VTN: variants seen among roughly 807,000 people sequenced by gnomAD.
VTN encodes vitronectin, also known as complement S-protein.
In VTN, 45 loss-of-function variants were observed where a neutral mutation model predicts 55.9. The observed-to-expected ratio is 0.80, with a 90% CI of 0.63 to 1.03. The LOEUF (loss-of-function observed/expected upper bound fraction) is 1.03. Ranked by LOEUF, VTN falls within the 50% of genes least tolerant of loss-of-function variation. The pLI, the probability that VTN is intolerant of heterozygous loss-of-function variation, is 0.00. For synonymous variants in VTN, 238 were observed against 242.3 expected, an observed-to-expected ratio of 0.98 and a Z score of 0.17; for missense variants, 589 against 638.2, an observed-to-expected ratio of 0.92 and a Z score of 0.83.
rs1340095105 is a variant in VTN at position 28,370,271 on chromosome 17, C to T, written c.-68G>A. On this transcript the variant is annotated 5_prime_UTR_variant, in exon 1 of 8. Transcript: ENST00000226218. ...CTCCCTGAAGTCTCCGCTCTGATGC[C>T]TGAGGAAGGGAGGGAGAGGCAGAGA... 72 of 1,531,212 alleles carry T rather than the reference C, an allele frequency of 4.7e-5. No homozygotes were observed. The highest frequency in any genetic ancestry group is 6.0e-5 in the Non-Finnish European group (68 of 1,126,916). 94.9% of individuals were successfully genotyped at this position (1,531,212 alleles called of 1,614,324 possible). A position where few individuals can be genotyped will look rare whatever the true frequency, so the allele number is the denominator to read the frequency against.
At chr17:28,368,141 T>C (rs1486670221) in intron 6 of VTN, 82 bp from the exon 7 acceptor site, 16 of 1,265,962 alleles carry the variant, frequency 1.3e-5, no homozygotes, top group Non-Finnish European at 1.7e-5. Context: ...GTTCATCTGC[T>C]GCACCTTGCC....
chr17:28,368,680 A>C lies in VTN; in HGVS notation c.827-7T>G, dbSNP rs781891013. On this transcript the variant is annotated splice_region_variant and splice_polypyrimidine_tract_variant and intron_variant, in intron 5 of 7. Transcript: ENST00000226218. The stretch of plus-strand genomic sequence containing the variant: ...TACTCCCAGTACTGTTTCCCTGAGG[A>C]GCAGGGTGGTGGGCATTAGGAGGGC... 3 of 1,613,014 alleles carry C rather than the reference A, an allele frequency of 1.9e-6. No individual in the cohort carries two copies.
Position 28,369,036 on chromosome 17 carries a change from G to A in VTN, c.670-8C>T. ...GCGCCAGTACTGACTACCCTAAGAG[G>A]TGGGGAAAGTGAAAAGGGGTATGGA... On this transcript the variant is annotated splice_polypyrimidine_tract_variant and splice_region_variant and intron_variant, in intron 4 of 7. Coordinates refer to ENST00000226218, the MANE Select transcript of VTN (RefSeq NM_000638.4). This position sits in a 1 kb window ranked among gnomAD's most constrained non-coding sequence, Gnocchi z 5.3. 1 of 1,575,118 alleles carries A rather than the reference G, an allele frequency of 6.3e-7. No individual in the cohort carries two copies. Among genetic ancestry groups the A allele is most frequent in the Non-Finnish European group, 8.6e-7 (1 of 1,166,194 alleles).
intron 5 of VTN, 35 bp downstream of exon 5, chr17:28,368,837 A>G: frequency 6.2e-7 from 1 of 1,613,080 alleles, no homozygotes. Flanking sequence ...AGACTGCTCC[A>G]CTGCCTGCTC....
rs782356682 is a variant in VTN at position 28,369,324 on chromosome 17, G to A, written c.634C>T (p.Arg212Cys). The change falls in exon 4 of 8, where the codon CGC becomes TGC. Residue 212 changes from arginine to cysteine, a missense_variant. Physicochemically the swap from Arg to Cys is radical, Grantham distance 180. Around this residue, in one of 3 missense-constraint regions of VTN, gnomAD observed 38 missense variants for 68.8 expected, o/e 0.55. Transcript: ENST00000226218. This position sits in a 1 kb window ranked among gnomAD's most constrained non-coding sequence, Gnocchi z 5.3. ...TAGGTCTTCCCCTGACAGTTGATGC[G>A]GGTGAAGGCGGCATCGATGGGGCCC... ...IEGPIDAAFT[R>C]INCQGKTYLF... 2.3e-5 allele frequency: 37 copies of A among 1,604,462 alleles called. No homozygotes were observed. Among genetic ancestry groups the A allele is most frequent in the South Asian group, 2.2e-4 (20 of 90,614 alleles).
At position 28,369,979 on chromosome 17, in the gene VTN, G is replaced by C. The variant is rs1555583755; in HGVS notation, c.132C>G (p.Cys44Trp). The C allele has an allele frequency of 6.2e-7, 1 of 1,613,994 alleles. No homozygotes were observed. Residue 44 changes from cysteine to tryptophan, a missense_variant, in exon 2 of 8, where the codon TGC becomes TGG. Coordinates refer to ENST00000226218, the MANE Select transcript of VTN (RefSeq NM_000638.4). This position sits in a 1 kb window ranked among gnomAD's most constrained non-coding sequence, Gnocchi z 5.3. ...CTGTGCAGCAGCTCTGGTAGTAAGA[G>C]CAGAGCTCGTCACACTGGCACTTCT... The part of the protein sequence containing the change: ...VDKKCQCDEL[C>W]SYYQSCCTDY...
chr17:28,369,882 G>GC lies in VTN; in HGVS notation c.185-32dup. 1 of 1,612,188 alleles carries GC rather than the reference G, an allele frequency of 6.2e-7. No individual in the cohort carries two copies. Among genetic ancestry groups the GC allele is most frequent in the Non-Finnish European group, 8.5e-7 (1 of 1,178,586 alleles). The stretch of plus-strand genomic sequence containing the variant: ...GAGAGTGGATGGTAGTGAGTCTCCA[G>GC]CAGCAGGGGGCACCCCAGCCCACCC... On this transcript the variant is annotated intron_variant, in intron 2 of 7. Coordinates refer to ENST00000226218, the MANE Select transcript of VTN (RefSeq NM_000638.4). The surrounding 1 kb of genome is among the most constrained non-coding windows in gnomAD (Gnocchi z 5.3).
chr17:28,370,194 G>C lies in VTN; in HGVS notation c.10C>G (p.Leu4Val), dbSNP rs1474221425. The C allele has an allele frequency of 3.2e-5, 52 of 1,613,014 alleles. No homozygotes were observed. The highest frequency in any genetic ancestry group is 4.3e-5 in the Non-Finnish European group (51 of 1,179,268). Residue 4 changes from leucine to valine, a missense_variant, in exon 1 of 8, where the codon CTG (leucine) becomes GTG (valine). Transcript: ENST00000226218. MAP[L>V]RPLLILALLA... ...AGGGCCAGTATGAGAAGGGGTCTCAGGGGTGCCATGGCAGGGCTTCTAGCT... is the reference window on the plus strand; with the variant it reads ...AGGGCCAGTATGAGAAGGGGTCTCACGGGTGCCATGGCAGGGCTTCTAGCT...
Position 28,369,946 on chromosome 17 carries a change from C to G in VTN, c.165G>C (p.Thr55=), listed in dbSNP as rs375142533. Residue 55 remains threonine (T), a synonymous_variant, in exon 2 of 8, where the codon ACG becomes ACC. Transcript: ENST00000226218. The surrounding 1 kb of genome is among the most constrained non-coding windows in gnomAD (Gnocchi z 5.3). The part of the protein sequence containing the change: ...SYYQSCCTDY[T]AECKPQVTRG... ...ACACACCTTGGGGCTTGCACTCAGC[C>G]GTATAGTCTGTGCAGCAGCTCTGGT... 1 of 1,614,092 alleles carries G rather than the reference C, an allele frequency of 6.2e-7. No homozygotes were observed. Among genetic ancestry groups the G allele is most frequent in the Non-Finnish European group, 8.5e-7 (1 of 1,180,038 alleles).
Position 28,369,838 on chromosome 17 carries a change from A to G in VTN, c.198T>C (p.Asp66=), listed in dbSNP as rs1555583717. The G allele has an allele frequency of 6.2e-7, 1 of 1,612,756 alleles. No homozygotes were observed. Among genetic ancestry groups the G allele is most frequent in the Admixed American group, 1.7e-5 (1 of 59,996 alleles). ...AECKPQVTRG[D]VFTMPEDEYT... The stretch of plus-strand genomic sequence containing the variant: ...ACTCATCCTCCGGCATAGTGAACAC[A>G]TCCCCGCGAGTCACTGCAGAGAGTG... Residue 66 remains aspartate, a synonymous_variant, in exon 3 of 8, where the codon GAT becomes GAC. Transcript: ENST00000226218. The surrounding 1 kb of genome is among the most constrained non-coding windows in gnomAD (Gnocchi z 5.3).
rs782820530 is a variant in VTN at position 28,369,549 on chromosome 17, C to T, written c.487G>A (p.Ala163Thr). Residue 163 changes from alanine (A) to threonine (T), a missense_variant, in exon 3 of 8, where the codon GCC (alanine) becomes ACC (threonine). Around this residue, in one of 3 missense-constraint regions of VTN, gnomAD observed 217 missense variants for 241.3 expected, o/e 0.90. Transcript: ENST00000226218. This position sits in a 1 kb window ranked among gnomAD's most constrained non-coding sequence, Gnocchi z 5.3. ...EELCSGKPFDAFTDLKNGSLF... is the reference protein window; with the variant it reads ...EELCSGKPFDTFTDLKNGSLF... ...GAACCGTTCTTGAGGTCGGTGAAGG[C>T]GTCGAAGGGCTTCCCACTGCACAGC... 89 of 1,610,246 alleles carry T rather than the reference C, an allele frequency of 5.5e-5. No individual in the cohort carries two copies. The highest frequency in any genetic ancestry group is 1.8e-4 in the South Asian group (16 of 91,048).
At chr17:28,368,247 T>G (rs1555583359) in intron 6 of VTN, among the ~76,000 whole-genome samples, 188 bp from the exon 7 acceptor site, 4 of 151,986 alleles carry the variant, frequency 2.6e-5, no homozygotes, top group Non-Finnish European at 5.9e-5. Context: ...CACTGGTGTC[T>G]CGACCCCACC....
At position 28,368,976 on chromosome 17, in the gene VTN, C is replaced by G; in HGVS notation, c.722G>C (p.Arg241Pro). The G allele has an allele frequency of 6.2e-7, 1 of 1,603,128 alleles. No individual in the cohort carries two copies. The highest frequency in any genetic ancestry group is 2.2e-5 in the East Asian group (1 of 44,854). ...GCCATCGAAGCCGTCAGAGATATTTCGGGGGTAATCAGGGTCCAGGACACC... is the reference window on the plus strand; with the variant it reads ...GCCATCGAAGCCGTCAGAGATATTTGGGGGGTAATCAGGGTCCAGGACACC... ...EDGVLDPDYP[R>P]NISDGFDGIP... The change falls in exon 5 of 8, where the codon CGA becomes CCA. Residue 241 changes from arginine (R) to proline (P), a missense_variant. Arg to Pro is a moderately radical substitution (Grantham distance 103). Around this residue, in one of 3 missense-constraint regions of VTN, gnomAD observed 334 missense variants for 328.2 expected, o/e 1.02. Transcript: ENST00000226218.
At position 28,369,760 on chromosome 17, in the gene VTN, C is replaced by G. The variant is rs1555583697; in HGVS notation, c.276G>C (p.Gln92His). Reference sequence around the variant, plus strand: ...CAGAGGTCAGGGAGGGGCCCCCCACCTGTTCATGGACAGTGGCATTGTTTT... The same window carrying G: ...CAGAGGTCAGGGAGGGGCCCCCCACGTGTTCATGGACAGTGGCATTGTTTT... ...EEKNNATVHEQVGGPSLTSDL... is the reference protein window; with the variant it reads ...EEKNNATVHEHVGGPSLTSDL... Residue 92 changes from glutamine to histidine, a missense_variant, in exon 3 of 8, where the codon CAG becomes CAC. Gln to His is a conservative substitution (Grantham distance 24, BLOSUM62 0). This residue lies in a region of VTN where 217 missense variants were observed against 241.3 expected (regional missense o/e 0.90). Transcript: ENST00000226218. The surrounding 1 kb of genome is among the most constrained non-coding windows in gnomAD (Gnocchi z 5.3). The G allele has an allele frequency of 6.2e-7, 1 of 1,614,068 alleles. No homozygotes were observed. The highest frequency in any genetic ancestry group is 8.5e-7 in the Non-Finnish European group (1 of 1,180,022).
In VTN at chr17:28,368,921, G is replaced by A; in HGVS notation, c.777C>T (p.Ala259=). 1 of 1,609,092 alleles carries A rather than the reference G, an allele frequency of 6.2e-7. No homozygotes were observed. Among genetic ancestry groups the A allele is most frequent in the African/African-American group, 1.3e-5 (1 of 74,628 alleles). The change falls in exon 5 of 8, where the codon GCC becomes GCT. Residue 259 remains alanine (A), a synonymous_variant. Transcript: ENST00000226218. ...GIPDNVDAAL[A]LPAHSYSGRE... is the part of the protein sequence containing the mutation. ...GGCCACTGTAGCTATGGGCAGGGAG[G>A]GCCAAGGCTGCATCCACGTTGTCCG... is the stretch of plus-strand genomic sequence containing the variant.
rs1567802296 is a variant in VTN at position 28,369,777 on chromosome 17, C to T, written c.259G>A (p.Ala87Thr). The part of the protein sequence containing the change: ...VYDDGEEKNN[A>T]TVHEQVGGPS... ...CCCCCCACCTGTTCATGGACAGTGG[C>T]ATTGTTTTTCTCCTCGCCATCGTCA... Residue 87 changes from alanine to threonine, a missense_variant, in exon 3 of 8, where the codon GCC (alanine) becomes ACC (threonine). By Grantham distance (58) the Ala-to-Thr change is moderately conservative. Around this residue, in one of 3 missense-constraint regions of VTN, gnomAD observed 217 missense variants for 241.3 expected, o/e 0.90. Transcript: ENST00000226218. This position sits in a 1 kb window ranked among gnomAD's most constrained non-coding sequence, Gnocchi z 5.3. 2 of 1,614,044 alleles carry T rather than the reference C, an allele frequency of 1.2e-6. No homozygotes were observed. The highest frequency in any genetic ancestry group is 4.5e-5 in the East Asian group (2 of 44,870).
At chr17:28,368,475 T>C in intron 6 of VTN, 46 bp downstream of exon 6, 1 of 1,606,870 alleles carries the variant, frequency 6.2e-7, no homozygotes, top group Non-Finnish European at 8.5e-7. Context: ...TACCAAGGGG[T>C]TTCAGCCCTT....
chr17:28,367,513 G>A (rs1597810262), intron 7 of VTN, 32 bp from the exon 8 acceptor site: 3 of 1,571,164 alleles, frequency 1.9e-6, no homozygotes, highest in Non-Finnish European at 2.6e-6. Context: ...GATGCGTGAG[G>A]CCCAGCCTGG....
At chr17:28,367,677 C>A in intron 7 of VTN, 38 bp downstream of exon 7, 1 of 1,590,738 alleles carries the variant, frequency 6.3e-7, no homozygotes, top group Admixed American at 1.7e-5. Flanking sequence ...AAGGAAAACC[C>A]AAGCTAGACC....
Sources: gnomAD v4.1 joint callset for allele counts (sites outside exome capture counted in the v4.1 genomes callset) on GRCh38, gnomAD v4.1.1 for gene constraint, gnomAD v4.1.1 regional missense constraint, Gnocchi (gnomAD v3.1) non-coding constraint, MANE v1.5 for transcripts, NCBI Gene and HGNC (gene_info 2026-07-23, HGNC 2026-07-21) for gene names.